The following RNF112 variants were observed in gnomAD, a reference collection of about 807,000 sequenced individuals.
RNF112 encodes brain finger protein.
A neutral mutation model predicts 64.7 loss-of-function variants in RNF112; 34 were observed. The observed-to-expected ratio is 0.53, with a 90% CI of 0.40 to 0.70. The LOEUF (loss-of-function observed/expected upper bound fraction) is 0.70, where lower values mean the gene tolerates loss of function less well. Among genes scored for constraint, RNF112 ranks in the 30% least tolerant of loss-of-function variants. RNF112 has a pLI of 0.00. For missense variants in RNF112, 734 were observed against 850.0 expected (o/e 0.86, Z 1.70); for synonymous variants, 345 against 344.5 (o/e 1.00, Z -0.02).
In RNF112 at chr17:19,416,595, A is replaced by G. The variant is rs1378910406; in HGVS notation, c.*420A>G. On this transcript the variant is annotated 3_prime_UTR_variant, in exon 14 of 14. Transcript: ENST00000461366. ...GACCTGTTCTTTCACAGATGTGAGA[A>G]GCCCCAGGATGATTGACCATGGTGT... 1.7e-5 allele frequency: 3 copies of G among 176,730 alleles called. No individual in the cohort carries two copies. Among genetic ancestry groups the G allele is most frequent in the Admixed American group, 1.1e-4 (2 of 18,568 alleles). 10.9% of individuals were successfully genotyped at this position (176,730 alleles called of 1,614,324 possible).
rs1389991770 is a variant in RNF112, at chr17:19,413,347, A to AT, written c.657dup (p.Gly220TrpfsTer36). On this transcript the variant is annotated frameshift_variant, in exon 5 of 14. Coordinates refer to ENST00000461366, the MANE Select transcript of RNF112 (RefSeq NM_007148.5). LOFTEE classifies it high-confidence loss of function. This position sits in a 1 kb window ranked among gnomAD's most constrained non-coding sequence, Gnocchi z 5.9. ...CTGCAGGGCTGCAGGTGGGGCGCCA[A>AT]TGGCCTCGCCAGGGGCATATGGATG... The AT allele has an allele frequency of 6.2e-7, 1 of 1,613,172 alleles. No homozygotes were observed. Among genetic ancestry groups the AT allele is most frequent in the African/African-American group, 1.3e-5 (1 of 74,910 alleles).
rs754912820 is a variant in RNF112 at position 19,414,083 on chromosome 17, C to G, written c.826-12C>G. ...TGTAATCTCTCATACATGTTGTTCT[C>G]TCTGATTCCAGATCCTCAGCACCTC... On this transcript the variant is annotated splice_polypyrimidine_tract_variant and intron_variant, in intron 6 of 13. Coordinates refer to ENST00000461366, the MANE Select transcript of RNF112 (RefSeq NM_007148.5). 1 of 1,599,686 alleles carries G rather than the reference C, an allele frequency of 6.3e-7. No individual in the cohort carries two copies. The highest frequency in any genetic ancestry group is 8.6e-7 in the Non-Finnish European group (1 of 1,167,920).
rs78460530 is a variant in RNF112 at position 19,416,161 on chromosome 17, C to T, written c.1882C>T (p.Leu628Phe). 2 of 1,558,856 alleles carry T rather than the reference C, an allele frequency of 1.3e-6. No homozygotes were observed. The highest frequency in any genetic ancestry group is 1.9e-5 in the Admixed American group (1 of 51,628). Residue 628 changes from leucine to phenylalanine, a missense_variant, in exon 14 of 14, where the codon CTC (leucine) becomes TTC (phenylalanine). Transcript: ENST00000461366. The part of the protein sequence containing the change: ...RLLEGDREPL[L>F]QEE Reference sequence around the variant, plus strand: ...TCTGGAAGGGGACCGAGAGCCCCTTCTCCAGGAAGAGTAACAGCCCCAGGA... The same window carrying T: ...TCTGGAAGGGGACCGAGAGCCCCTTTTCCAGGAAGAGTAACAGCCCCAGGA...
In RNF112 at chr17:19,413,682, G is replaced by GTGA. The variant is rs1913760401; in HGVS notation, c.825+4_825+6dup. 6.2e-7 allele frequency: 1 copy of GTGA among 1,602,092 alleles called. No homozygotes were observed. The highest frequency in any genetic ancestry group is 1.3e-5 in the African/African-American group (1 of 74,730). ...CACCACGATGCTGAGCTCCTACCAGGTGATGGGGGGCGCTGATGTTGGCAT... is the reference window on the plus strand; with the variant it reads ...CACCACGATGCTGAGCTCCTACCAGGTGATGATGGGGGGCGCTGATGTTGGCAT... On this transcript the variant is annotated splice_donor_variant, in intron 6 of 13. Transcript: ENST00000461366. LOFTEE classifies it high-confidence loss of function. This position sits in a 1 kb window ranked among gnomAD's most constrained non-coding sequence, Gnocchi z 5.9.
In RNF112 at chr17:19,413,539, G is replaced by A; in HGVS notation, c.721-38G>A. 1.3e-6 allele frequency: 2 copies of A among 1,597,070 alleles called. No homozygotes were observed. Among genetic ancestry groups the A allele is most frequent in the Non-Finnish European group, 1.7e-6 (2 of 1,168,110 alleles). The stretch of plus-strand genomic sequence containing the variant: ...GGGAAGAATGTGGGAGAACAAGGCA[G>A]GCCTGGCCCCTTGGGTCTTTCCCTA... On this transcript the variant is annotated intron_variant, in intron 5 of 13. Transcript: ENST00000461366. This position sits in a 1 kb window ranked among gnomAD's most constrained non-coding sequence, Gnocchi z 5.9.
chr17:19,415,572 G>A lies in RNF112; in HGVS notation c.1405G>A (p.Glu469Lys), dbSNP rs780235543. 26 of 1,612,712 alleles carry A rather than the reference G, an allele frequency of 1.6e-5. No individual in the cohort carries two copies. Among genetic ancestry groups the A allele is most frequent in the African/African-American group, 2.7e-5 (2 of 74,894 alleles). ...GGTGGAAGCTGCCAAGAGGGAGTTC[G>A]AGGAGTATGTGAGGCAGCAGGTGAG... ...RKVEAAKREF[E>K]EYVRQQDVAT... The change falls in exon 13 of 14, where the codon GAG (glutamate) becomes AAG (lysine). Residue 469 changes from glutamate to lysine, a missense_variant. By Grantham distance (56) the Glu-to-Lys change is moderately conservative. Coordinates refer to ENST00000461366, the MANE Select transcript of RNF112 (RefSeq NM_007148.5). The surrounding 1 kb of genome is among the most constrained non-coding windows in gnomAD (Gnocchi z 7.8).
rs1362890704 is a variant in RNF112, at chr17:19,412,461, G to A, written c.96-37G>A. 1 of 1,596,060 alleles carries A rather than the reference G, an allele frequency of 6.3e-7. No individual in the cohort carries two copies. The highest frequency in any genetic ancestry group is 8.5e-7 in the Non-Finnish European group (1 of 1,174,256). ...TGGCCGGTACCCCCTGCCCCCAATA[G>A]ACATCCTGCTTTTCAATGGCCTGTT... On this transcript the variant is annotated intron_variant, in intron 2 of 13. Coordinates refer to ENST00000461366, the MANE Select transcript of RNF112 (RefSeq NM_007148.5). This position sits in a 1 kb window ranked among gnomAD's most constrained non-coding sequence, Gnocchi z 5.1.
chr17:19,415,364 T>C lies in RNF112; in HGVS notation c.1350+25T>C. On this transcript the variant is annotated intron_variant, in intron 12 of 13. Transcript: ENST00000461366. This position sits in a 1 kb window ranked among gnomAD's most constrained non-coding sequence, Gnocchi z 7.8. ...GGTATGAGCGCTGGGGGATCCAGCATTCTGGCAGGGAGACAGGGGAGGCAG... is the reference window on the plus strand; with the variant it reads ...GGTATGAGCGCTGGGGGATCCAGCACTCTGGCAGGGAGACAGGGGAGGCAG... 1 of 1,582,168 alleles carries C rather than the reference T, an allele frequency of 6.3e-7. No homozygotes were observed. Among genetic ancestry groups the C allele is most frequent in the Non-Finnish European group, 8.6e-7 (1 of 1,163,948 alleles).
chr17:19,416,206 G>C lies in RNF112; in HGVS notation c.*31G>C. On this transcript the variant is annotated 3_prime_UTR_variant, in exon 14 of 14. Coordinates refer to ENST00000461366, the MANE Select transcript of RNF112 (RefSeq NM_007148.5). ...CCAGGAGGTATTGAAGGACAGGAGA[G>C]ATGTCAGGTGGGGATGAAGAAGAGG... is the stretch of plus-strand genomic sequence containing the variant. 6.6e-7 allele frequency: 1 copy of C among 1,508,776 alleles called. No homozygotes were observed. The highest frequency in any genetic ancestry group is 1.3e-5 in the South Asian group (1 of 78,686). The allele number at this position is 1,508,776 out of a possible 1,614,324, so 93.5% of individuals were successfully genotyped here.
At chr17:19,414,990 TCTC>T in intron 10 of RNF112, 45 bp from the exon 11 acceptor site, 3 of 1,581,766 alleles carry the variant, frequency 1.9e-6, no homozygotes, top group Non-Finnish European at 2.6e-6. Flanking sequence ...TGACACCCCT[TCTC>T]CTCCCAAAGC....
In RNF112 at chr17:19,415,217, C is replaced by A. The variant is rs535427830; in HGVS notation, c.1296+10C>A. ...AGCTCAGGAAATCAAGGTGTGAAAA[C>A]TCCCTGGAGACCCAGGCGACTCGGC... On this transcript the variant is annotated intron_variant, in intron 11 of 13. Transcript: ENST00000461366. This position sits in a 1 kb window ranked among gnomAD's most constrained non-coding sequence, Gnocchi z 7.8. The A allele has an allele frequency of 1.1e-5, 17 of 1,603,366 alleles. No homozygotes were observed. The African/African-American group carries it at 2.0e-4, about 19-fold the overall frequency.
chr17:19,413,234 G>A lies in RNF112; in HGVS notation c.589-46G>A. The A allele has an allele frequency of 6.3e-7, 1 of 1,596,404 alleles. No homozygotes were observed. The highest frequency in any genetic ancestry group is 8.6e-7 in the Non-Finnish European group (1 of 1,168,678). ...CTGGGTCTGGTATTCCGGTCTGTGG[G>A]GACAAGGAACCGACCAACTGATGCT... On this transcript the variant is annotated intron_variant, in intron 4 of 13. Transcript: ENST00000461366. The surrounding 1 kb of genome is among the most constrained non-coding windows in gnomAD (Gnocchi z 5.9).
In RNF112 at chr17:19,415,095, C is replaced by T. The variant is rs371445253; in HGVS notation, c.1184C>T (p.Ala395Val). 2.8e-5 allele frequency: 45 copies of T among 1,604,702 alleles called. No individual in the cohort carries two copies. Among genetic ancestry groups the T allele is most frequent in the Middle Eastern group, 1.7e-4 (1 of 6,018 alleles). Residue 395 changes from alanine to valine, a missense_variant, in exon 11 of 14, where the codon GCG becomes GTG. By Grantham distance (64) the Ala-to-Val change is moderately conservative. Coordinates refer to ENST00000461366, the MANE Select transcript of RNF112 (RefSeq NM_007148.5). The surrounding 1 kb of genome is among the most constrained non-coding windows in gnomAD (Gnocchi z 7.8). ...GCCTACGTCTCAGATGTGCTGAGTG[C>T]GGCCCCCCAGCACGCTAAGAGCCGC... ...LGAYVSDVLS[A>V]APQHAKSRCQ...
At chr17:19,411,907 C>T in intron 2 of RNF112, 1 of 604,174 alleles carries the variant, frequency 1.7e-6, no homozygotes, top group South Asian at 2.1e-5. Context: ...GAGCCATCTG[C>T]CCAACTGCAG....
In RNF112 at chr17:19,413,710, C is replaced by T; in HGVS notation, c.825+29C>T. 6.7e-7 allele frequency: 1 copy of T among 1,489,956 alleles called. No homozygotes were observed. Among genetic ancestry groups the T allele is most frequent in the South Asian group, 1.2e-5 (1 of 83,028 alleles). 92.3% of individuals were successfully genotyped at this position (1,489,956 alleles called of 1,614,324 possible). ...ATGGGGGGCGCTGATGTTGGCATCC[C>T]CACCCCACACACCCTTCTCCAGCTC... On this transcript the variant is annotated intron_variant, in intron 6 of 13. Coordinates refer to ENST00000461366, the MANE Select transcript of RNF112 (RefSeq NM_007148.5). This position sits in a 1 kb window ranked among gnomAD's most constrained non-coding sequence, Gnocchi z 5.9.
rs761028293 is a variant in RNF112, at chr17:19,415,071, C to T, written c.1160C>T (p.Ala387Val). ...TDDDFRHLLG[A>V]YVSDVLSAAP... ...GATGACTTCCGCCACCTTCTGGGGG[C>T]CTACGTCTCAGATGTGCTGAGTGCG... Residue 387 changes from alanine (A) to valine (V), a missense_variant, in exon 11 of 14, where the codon GCC (alanine) becomes GTC (valine). Physicochemically the swap from Ala to Val is moderately conservative, Grantham distance 64 (BLOSUM62 0). Transcript: ENST00000461366. This position sits in a 1 kb window ranked among gnomAD's most constrained non-coding sequence, Gnocchi z 7.8. 1 of 1,592,710 alleles carries T rather than the reference C, an allele frequency of 6.3e-7. No individual in the cohort carries two copies. The highest frequency in any genetic ancestry group is 8.5e-7 in the Non-Finnish European group (1 of 1,170,002).
intron 9 of RNF112, 51 bp from the exon 10 acceptor site, chr17:19,414,719 C>A: frequency 6.2e-7 from 1 of 1,610,012 alleles, no homozygotes. Flanking sequence ...GTGGGGAAGA[C>A]ATGGGAGGCT....
chr17:19,411,947 C>T (rs1567934561), intron 2 of RNF112: 3 of 568,982 alleles, frequency 5.3e-6, no homozygotes, highest in East Asian at 3.0e-5. Context: ...CTCACTGTCC[C>T]TGTAGCATGG....
At position 19,413,699 on chromosome 17, in the gene RNF112, T is replaced by G; in HGVS notation, c.825+18T>G. 1 of 1,555,408 alleles carries G rather than the reference T, an allele frequency of 6.4e-7. No homozygotes were observed. Among genetic ancestry groups the G allele is most frequent in the Non-Finnish European group, 8.8e-7 (1 of 1,140,140 alleles). On this transcript the variant is annotated intron_variant, in intron 6 of 13. Transcript: ENST00000461366. This position sits in a 1 kb window ranked among gnomAD's most constrained non-coding sequence, Gnocchi z 5.9. ...CCTACCAGGTGATGGGGGGCGCTGA[T>G]GTTGGCATCCCCACCCCACACACCC...
Sources: allele counts gnomAD v4.1 joint callset, GRCh38; gene constraint gnomAD v4.1.1; non-coding constraint Gnocchi (gnomAD v3.1); transcripts MANE v1.5; gene names NCBI Gene and HGNC (gene_info 2026-07-23, HGNC 2026-07-21).